Variants in CDC42BPB observed in about 807,000 individuals in gnomAD.
CDC42BPB encodes CDC42 binding protein kinase beta.
In CDC42BPB, 37 loss-of-function variants were observed where a neutral mutation model predicts 214.9. The observed-to-expected ratio is 0.17, with a 90% CI of 0.13 to 0.23. CDC42BPB has a LOEUF of 0.23. Among genes scored for constraint, CDC42BPB ranks in the 10% least tolerant of loss-of-function variants. The pLI is 1.00. For synonymous variants in CDC42BPB, 931 were observed against 884.0 expected, an observed-to-expected ratio of 1.05 and a Z score of -0.94; for missense variants, 1,694 against 2,227.0, an observed-to-expected ratio of 0.76 and a Z score of 4.82.
At chr14:102,985,134 C>T (rs936092043) in intron 6 of CDC42BPB, among the ~76,000 whole-genome samples, 1 of 149,882 alleles carries the variant, frequency 6.7e-6, no homozygotes, top group Admixed American at 6.6e-5. Context: ...TATACCGTGA[C>T]AGGGTGGTGT....
At chr14:103,017,730 C>T (rs1886544794) in intron 1 of CDC42BPB, among the ~76,000 whole-genome samples, 1 of 152,152 alleles carries the variant, frequency 6.6e-6, no homozygotes, top group South Asian at 2.1e-4. Context: ...AGGAAAGACA[C>T]AGAACTGATC....
At chr14:102,991,899 CCTCA>C (rs1178329587) in intron 5 of CDC42BPB, among the ~76,000 whole-genome samples, 1 of 152,214 alleles carries the variant, frequency 6.6e-6, no homozygotes, top group African/African-American at 2.4e-5. Flanking sequence ...GCTTTCAGAG[CCTCA>C]CTGTCTAACA....
chr14:103,018,701 C>T (rs1048453955), intron 1 of CDC42BPB, among the ~76,000 whole-genome samples: 4 of 152,128 alleles, frequency 2.6e-5, no homozygotes, highest in Non-Finnish European at 5.9e-5. Context: ...CCTGGGGCAA[C>T]GGAATCCAAT....
rs565706184 is a variant in CDC42BPB at position 102,954,126 on chromosome 14, T to A, written c.3066+72A>T. 37 of 1,041,916 alleles carry A rather than the reference T, an allele frequency of 3.6e-5. No homozygotes were observed. In the African/African-American group the frequency reaches 4.8e-4, roughly 13 times the overall value. 64.5% of individuals were successfully genotyped at this position (1,041,916 alleles called of 1,614,324 possible). On this transcript the variant is annotated intron_variant, in intron 23 of 36. Coordinates refer to ENST00000361246, the MANE Select transcript of CDC42BPB (RefSeq NM_006035.4). ...ATGTTTTATTTATACAAAACTTATTTTCTAAATAACTGAGAATAAATAAAC... is the reference window on the plus strand; with the variant it reads ...ATGTTTTATTTATACAAAACTTATTATCTAAATAACTGAGAATAAATAAAC...
At position 103,042,988 on chromosome 14, in the gene CDC42BPB, G is replaced by T. The variant is rs112985975; in HGVS notation, c.175+14011C>A. 5.0e-3 allele frequency among the ~76,000 whole-genome samples: 753 copies of T among 150,902 alleles called. 11 individuals are homozygous for T. Among genetic ancestry groups the T allele is most frequent in the African/African-American group, 0.017 (703 of 41,508 alleles). On this transcript the variant is annotated intron_variant, in intron 1 of 36. Coordinates refer to ENST00000361246, the MANE Select transcript of CDC42BPB (RefSeq NM_006035.4). ...TTGTACATTAATGTTCAGAGAATAG[G>T]TATTAAAAATAAACAAAAGGTACTT... is the stretch of plus-strand genomic sequence containing the variant.
At chr14:103,008,121 T>C (rs1885950019) in intron 3 of CDC42BPB, among the ~76,000 whole-genome samples, 1 of 152,256 alleles carries the variant, frequency 6.6e-6, no homozygotes, top group African/African-American at 2.4e-5. Context: ...CTATTCTGTA[T>C]GTGAGCAGGG....
chr14:103,024,981 C>A (rs1400106692), intron 1 of CDC42BPB, among the ~76,000 whole-genome samples: 2 of 152,136 alleles, frequency 1.3e-5, no homozygotes, highest in East Asian at 3.8e-4. Flanking sequence ...TAACTCCACT[C>A]ATTTTTCTTG....
At chr14:102,965,505 T>G (rs1893160052) in intron 18 of CDC42BPB, among the ~76,000 whole-genome samples, 1 of 152,152 alleles carries the variant, frequency 6.6e-6, no homozygotes, top group South Asian at 2.1e-4. Context: ...GTTTTCTTAC[T>G]GAGTTGCCCA....
intron 1 of CDC42BPB, among the ~76,000 whole-genome samples, chr14:103,055,147 G>A (rs1888872877): frequency 6.6e-6 from 1 of 152,264 alleles, no homozygotes; most frequent in African/African-American, 2.4e-5. Context: ...AACAAGCTGG[G>A]TGCAGTGGCT....
intron 1 of CDC42BPB, among the ~76,000 whole-genome samples, chr14:103,033,138 T>C (rs570693647): frequency 6.6e-6 from 1 of 152,174 alleles, no homozygotes; most frequent in Admixed American, 6.6e-5. Flanking sequence ...GGAATAAAAG[T>C]GAAATACAAC....
chr14:102,946,039 C>T lies in CDC42BPB; in HGVS notation c.3749-315G>A, dbSNP rs11624434. ...CTGCTTTTTTTTTGAGACGGAGTCTCGGTCTGTCGCCCAGGCTGGAGTGCA... is the reference window on the plus strand; with the variant it reads ...CTGCTTTTTTTTTGAGACGGAGTCTTGGTCTGTCGCCCAGGCTGGAGTGCA... On this transcript the variant is annotated intron_variant, in intron 28 of 36. Coordinates refer to ENST00000361246, the MANE Select transcript of CDC42BPB (RefSeq NM_006035.4). Among the ~76,000 whole-genome samples, 69 of 151,784 alleles carry T rather than the reference C, an allele frequency of 4.5e-4. 1 individual carries two copies. The East Asian group carries it at 9.8e-3, about 21-fold the overall frequency.
intron 1 of CDC42BPB, among the ~76,000 whole-genome samples, chr14:103,036,022 G>A (rs1236040364): frequency 6.6e-6 from 1 of 151,856 alleles, no homozygotes; most frequent in Admixed American, 6.6e-5. Flanking sequence ...GTGGTGGCAC[G>A]CACCTGTAGT....
At chr14:102,949,991 G>C (rs1892410578) in intron 25 of CDC42BPB, 87 bp from the exon 26 acceptor site, 1 of 1,569,948 alleles carries the variant, frequency 6.4e-7, no homozygotes, top group Admixed American at 1.8e-5. Context: ...TCTCCTTCCA[G>C]CTGCCAGGCT....
chr14:103,015,795 G>A (rs1285288618), intron 1 of CDC42BPB, among the ~76,000 whole-genome samples: 12 of 151,908 alleles, frequency 7.9e-5, no homozygotes, highest in African/African-American at 2.7e-4. Flanking sequence ...TGCAACCTCC[G>A]CCTCCTGGGT....
chr14:102,952,520 G>A lies in CDC42BPB; in HGVS notation c.3150C>T (p.Ile1050=), dbSNP rs150373425. The A allele has an allele frequency of 3.7e-5, 60 of 1,612,882 alleles. No homozygotes were observed. Among genetic ancestry groups the A allele is most frequent in the Non-Finnish European group, 4.5e-5 (53 of 1,179,228 alleles). Residue 1050 remains isoleucine, a synonymous_variant, in exon 24 of 37, where the codon ATC becomes ATT. Transcript: ENST00000361246. ...SHCTSLMVGL[I]RQGYACEVCS... is the part of the protein sequence containing the mutation. The stretch of plus-strand genomic sequence containing the variant: ...CACCCTCGCAGGCGTAGCCCTGCCG[G>A]ATCAGCCCAACCATCAGGGAGGTGC...
At chr14:102,935,516 A>G (rs141103289) in intron 36 of CDC42BPB, among the ~76,000 whole-genome samples, 5,945 of 152,234 alleles carry the variant, frequency 0.039, 179 homozygotes, top group Non-Finnish European at 0.058. Flanking sequence ...TAGGCCGGGT[A>G]TAGTGCCTCA....
chr14:103,030,152 G>A (rs548661585), intron 1 of CDC42BPB, among the ~76,000 whole-genome samples: 12 of 152,338 alleles, frequency 7.9e-5, no homozygotes, highest in African/African-American at 2.4e-4. Flanking sequence ...CGGCCAGCCC[G>A]GCCTCACCTT....
chr14:102,938,415 G>A lies in CDC42BPB; in HGVS notation c.4828-4C>T. 6.5e-7 allele frequency: 1 copy of A among 1,531,040 alleles called. No individual in the cohort carries two copies. Among genetic ancestry groups the A allele is most frequent in the South Asian group, 1.3e-5 (1 of 76,236 alleles). The allele number at this position is 1,531,040 out of a possible 1,614,324, so 94.8% of individuals were successfully genotyped here. Reference sequence around the variant, plus strand: ...CCTGGGAGGGGGGCACAGCACTCTGGGCAGAAATAGCAACACGTGAGCATG... The same window carrying A: ...CCTGGGAGGGGGGCACAGCACTCTGAGCAGAAATAGCAACACGTGAGCATG... On this transcript the variant is annotated splice_polypyrimidine_tract_variant and splice_region_variant and intron_variant, in intron 34 of 36. Coordinates refer to ENST00000361246, the MANE Select transcript of CDC42BPB (RefSeq NM_006035.4).
chr14:102,938,712 T>A (rs1891753760), intron 34 of CDC42BPB: 1 of 247,002 alleles, frequency 4.0e-6, no homozygotes, highest in Non-Finnish European at 6.5e-6. Context: ...CACTGCAACC[T>A]CTGCCTCCTG....
Sources: allele counts gnomAD v4.1 joint callset (sites outside exome capture counted in the v4.1 genomes callset), GRCh38; gene constraint gnomAD v4.1.1; transcripts MANE v1.5; gene names NCBI Gene and HGNC (gene_info 2026-07-23, HGNC 2026-07-21).